The following DAPK1 variants were observed in gnomAD, a reference collection of about 807,000 sequenced individuals.
DAPK1 encodes the protein death associated protein kinase 1, also known as death-associated protein kinase 1.
In DAPK1, 56 loss-of-function variants were observed where a neutral mutation model predicts 144.9. The observed-to-expected ratio is 0.39, with a 90% CI of 0.31 to 0.48. The LOEUF is 0.48. Ranked by LOEUF, DAPK1 falls within the 20% of genes least tolerant of loss-of-function variation. DAPK1 has a pLI of 0.95. For synonymous variants in DAPK1, 690 were observed against 749.0 expected (o/e 0.92, Z 1.29); for missense variants, 1,454 against 1,875.4 (o/e 0.78, Z 4.15).
chr9:87,707,622 C>A lies in DAPK1; in HGVS notation c.*258C>A, dbSNP rs535415941. The A allele has an allele frequency of 9.3e-6, 5 of 535,372 alleles. No homozygotes were observed. In the African/African-American group the frequency reaches 9.5e-5, roughly 10 times the overall value. The allele number at this position is 535,372 out of a possible 1,614,324, so 33.2% of individuals were successfully genotyped here. A position where few individuals can be genotyped will look rare whatever the true frequency, so the allele number is the denominator to read the frequency against. On this transcript the variant is annotated 3_prime_UTR_variant, in exon 26 of 26. Transcript: ENST00000408954. The surrounding 1 kb of genome is among the most constrained non-coding windows in gnomAD (Gnocchi z 4.0). ...GGCCGCTTGAAAAGCTAGTGTACCT[C>A]CTCTCAGTGTTTTGGACTCCATCTC...
chr9:87,695,333 G>A (rs1474476381), intron 21 of DAPK1, among the ~76,000 whole-genome samples: 2 of 152,198 alleles, frequency 1.3e-5, no homozygotes, highest in African/African-American at 2.4e-5. Context: ...TACAGAGTAA[G>A]CACTGAGGGG....
In DAPK1 at chr9:87,606,383, T is replaced by C. The variant is rs530288982; in HGVS notation, c.284+1208T>C. On this transcript the variant is annotated intron_variant, in intron 3 of 25. Coordinates refer to ENST00000408954, the MANE Select transcript of DAPK1 (RefSeq NM_004938.4). Reference sequence around the variant, plus strand: ...CTCAGATGGTTTATGGGGAGATAAATGAGATAAGAATTTTTAAATACCTAA... The same window carrying C: ...CTCAGATGGTTTATGGGGAGATAAACGAGATAAGAATTTTTAAATACCTAA... Among the ~76,000 whole-genome samples the C allele has an allele frequency of 6.3e-4, 96 of 152,184 alleles. 2 individuals carry two copies. The highest frequency in any genetic ancestry group is 1.2e-3 in the Admixed American group (19 of 15,288).
chr9:87,698,850 T>G, intron 23 of DAPK1, 56 bp downstream of exon 23: 1 of 1,108,026 alleles, frequency 9.0e-7, no homozygotes. Flanking sequence ...CCCTGAGAAC[T>G]GAAGCAGAGG....
intron 2 of DAPK1, among the ~76,000 whole-genome samples, chr9:87,507,806 G>A (rs953346335): frequency 5.3e-5 from 8 of 152,092 alleles, no homozygotes; most frequent in African/African-American, 9.7e-5. Flanking sequence ...AATTTGGCTC[G>A]AGGTACGGAC....
At chr9:87,613,279 C>T (rs982877078) in intron 3 of DAPK1, among the ~76,000 whole-genome samples, 6 of 152,192 alleles carry the variant, frequency 3.9e-5, no homozygotes, top group African/African-American at 1.4e-4. Context: ...AGTGTTAATT[C>T]TATGCATATT....
intron 2 of DAPK1, among the ~76,000 whole-genome samples, chr9:87,580,769 A>G (rs1587737164): frequency 6.6e-6 from 1 of 152,224 alleles, no homozygotes; most frequent in African/African-American, 2.4e-5. Context: ...TTGCCCCTGT[A>G]AAGAAGACAT....
At chr9:87,682,095 A>G (rs1824652305) in intron 20 of DAPK1, among the ~76,000 whole-genome samples, 1 of 152,138 alleles carries the variant, frequency 6.6e-6, no homozygotes, top group Non-Finnish European at 1.5e-5. Flanking sequence ...AGTATTGTAG[A>G]TACATAGAGC....
At chr9:87,648,027 T>C (rs1428518409) in intron 14 of DAPK1, among the ~76,000 whole-genome samples, 2 of 152,246 alleles carry the variant, frequency 1.3e-5, no homozygotes, top group Non-Finnish European at 2.9e-5. Context: ...ACAATACTTC[T>C]CTGCTTCCAG....
chr9:87,695,349 G>C (rs534357918), intron 21 of DAPK1, among the ~76,000 whole-genome samples: 1 of 152,198 alleles, frequency 6.6e-6, no homozygotes, highest in Non-Finnish European at 1.5e-5. Flanking sequence ...AGGGGTAAAC[G>C]AGGTGAAGGG....
intron 19 of DAPK1, among the ~76,000 whole-genome samples, chr9:87,670,561 C>T (rs889017397): frequency 6.6e-6 from 1 of 152,108 alleles, no homozygotes; most frequent in Admixed American, 6.5e-5. Flanking sequence ...CTCAGGTTTC[C>T]ACACAGAGAG....
chr9:87,500,713 C>T (rs1038447647), intron 2 of DAPK1, among the ~76,000 whole-genome samples: 3 of 151,970 alleles, frequency 2.0e-5, no homozygotes, highest in Non-Finnish European at 4.4e-5. Flanking sequence ...ATCTTTATTT[C>T]GTGGGCGTGA....
chr9:87,677,863 T>C (rs1824454969), intron 19 of DAPK1, among the ~76,000 whole-genome samples: 1 of 152,122 alleles, frequency 6.6e-6, no homozygotes, highest in Non-Finnish European at 1.5e-5. Flanking sequence ...GTGGAATTGC[T>C]CCAGGGTCGG....
chr9:87,576,017 C>T (rs1055541491), intron 2 of DAPK1, among the ~76,000 whole-genome samples: 3 of 152,174 alleles, frequency 2.0e-5, no homozygotes, highest in African/African-American at 7.2e-5. Context: ...AAATGCCTTC[C>T]GTGGTTCAAT....
At chr9:87,671,726 G>A (rs895048985) in intron 19 of DAPK1, among the ~76,000 whole-genome samples, 1 of 152,172 alleles carries the variant, frequency 6.6e-6, no homozygotes, top group Non-Finnish European at 1.5e-5. Context: ...CATTGCCCAG[G>A]CTGTCTCTAA....
intron 2 of DAPK1, among the ~76,000 whole-genome samples, chr9:87,593,412 A>C (rs1828208076): frequency 6.6e-6 from 1 of 152,246 alleles, no homozygotes; most frequent in South Asian, 2.1e-4. Context: ...AAACCATGTG[A>C]ATATTTAGAC....
At chr9:87,689,619 T>C (rs549927207) in intron 21 of DAPK1, among the ~76,000 whole-genome samples, 1 of 152,246 alleles carries the variant, frequency 6.6e-6, no homozygotes, top group East Asian at 1.9e-4. Flanking sequence ...TGTCCTCTTC[T>C]ACTGGTTTTA....
At chr9:87,638,453 G>A (rs763420800) in intron 4 of DAPK1, among the ~76,000 whole-genome samples, 5 of 152,192 alleles carry the variant, frequency 3.3e-5, no homozygotes, top group Middle Eastern at 3.2e-3. Context: ...ATGCAAAGGC[G>A]TATGGCCTGA....
chr9:87,551,026 C>A (rs187874064), intron 2 of DAPK1, among the ~76,000 whole-genome samples: 204 of 152,348 alleles, frequency 1.3e-3, no homozygotes, highest in Middle Eastern at 3.4e-3. Context: ...GTTGGGTCCC[C>A]CCACCTTGGC....
At chr9:87,528,454 G>A (rs1056383169) in intron 2 of DAPK1, among the ~76,000 whole-genome samples, 7 of 152,002 alleles carry the variant, frequency 4.6e-5, no homozygotes, top group Admixed American at 1.3e-4. Context: ...CTGACCTCAG[G>A]TGATCCACCC....
Sources: gnomAD v4.1 joint callset for allele counts (sites outside exome capture counted in the v4.1 genomes callset) on GRCh38, gnomAD v4.1.1 for gene constraint, Gnocchi (gnomAD v3.1) non-coding constraint, MANE v1.5 for transcripts, NCBI Gene and HGNC (gene_info 2026-07-23, HGNC 2026-07-21) for gene names.